The following HTR2C variants were observed in gnomAD, a reference collection of about 807,000 sequenced individuals.
HTR2C encodes 5-hydroxytryptamine receptor 2C, also known as 5-hydroxytryptamine (serotonin) receptor 2C, G protein-coupled.
HTR2C carries 5 observed loss-of-function variants against 21.0 expected under a neutral mutation model. The ratio of observed to expected loss-of-function variants is 0.24; its 90% CI spans 0.12 to 0.50. HTR2C has a LOEUF of 0.50. Ranked by LOEUF, HTR2C falls within the 20% of genes least tolerant of loss-of-function variation. The pLI is 0.98. For synonymous variants in HTR2C, 150 were observed against 145.3 expected (o/e 1.03, Z -0.23); for missense variants, 271 against 371.2 (o/e 0.73, Z 2.22).
chrX:114,761,738 A>C (rs1265929678), intron 4 of HTR2C, among the ~76,000 whole-genome samples: 1 of 108,623 alleles, frequency 9.2e-6, no homozygotes, highest in Admixed American at 1.0e-4. Context: ...ATAAAACTCC[A>C]AAGTCCTTGT....
chrX:114,792,607 A>T (rs1556443962), intron 4 of HTR2C, among the ~76,000 whole-genome samples: 1 of 111,850 alleles, frequency 8.9e-6, no homozygotes, highest in Non-Finnish European at 1.9e-5. Context: ...TTATAATAGA[A>T]TGATTTATAT....
chrX:114,636,679 T>C (rs1929855949), intron 2 of HTR2C, among the ~76,000 whole-genome samples: 1 of 111,911 alleles, frequency 8.9e-6, no homozygotes, highest in Admixed American at 9.5e-5. Context: ...CTACAGGATA[T>C]AGTTAAAGCC....
At chrX:114,775,662 C>A in intron 4 of HTR2C, 1 of 539,734 alleles carries the variant, frequency 1.9e-6, no homozygotes, top group Non-Finnish European at 3.2e-6. Flanking sequence ...GCCTGGACAG[C>A]TGCACCATAA....
chrX:114,893,309 C>T (rs1315042900), intron 5 of HTR2C, among the ~76,000 whole-genome samples: 2 of 110,699 alleles, frequency 1.8e-5, no homozygotes, highest in Non-Finnish European at 3.8e-5. Context: ...TCAAGACATA[C>T]AATATAGCTA....
At chrX:114,786,782 T>A (rs1351378999) in intron 4 of HTR2C, among the ~76,000 whole-genome samples, 2 of 111,667 alleles carry the variant, frequency 1.8e-5, no homozygotes, top group Non-Finnish European at 3.8e-5. Context: ...AATCACATAG[T>A]CCAGTGTAAC....
intron 2 of HTR2C, among the ~76,000 whole-genome samples, chrX:114,689,481 A>G (rs1932042279): frequency 9.1e-6 from 1 of 110,253 alleles, no homozygotes; most frequent in Non-Finnish European, 1.9e-5. Context: ...CTGACAGTGT[A>G]AAAGTGTTCC....
chrX:114,793,734 T>A (rs1009032451), intron 4 of HTR2C, among the ~76,000 whole-genome samples: 6 of 110,206 alleles, frequency 5.4e-5, no homozygotes, highest in African/African-American at 1.6e-4. Context: ...CTTTTTTTTT[T>A]ATTTATTCAT....
chrX:114,605,946 A>G (rs185998856), intron 1 of HTR2C, among the ~76,000 whole-genome samples: 1 of 106,830 alleles, frequency 9.4e-6, no homozygotes, highest in Admixed American at 1.0e-4. Context: ...AGGTTGGGGC[A>G]CGGAAATAAG....
chrX:114,586,265 C>T (rs1174149597), intron 1 of HTR2C, among the ~76,000 whole-genome samples: 7 of 111,559 alleles, frequency 6.3e-5, no homozygotes, highest in Non-Finnish European at 9.4e-5. Flanking sequence ...TCCTTAGCAC[C>T]TGGCTGTTTG....
chrX:114,768,745 T>G (rs2069970511), intron 4 of HTR2C, among the ~76,000 whole-genome samples: 1 of 111,709 alleles, frequency 9.0e-6, no homozygotes, highest in Non-Finnish European at 1.9e-5. Context: ...TCTGGGTTAT[T>G]CAACTAAAAG....
intron 2 of HTR2C, among the ~76,000 whole-genome samples, chrX:114,669,767 A>G (rs1556411390): frequency 8.9e-6 from 1 of 112,625 alleles, no homozygotes; most frequent in African/African-American, 3.2e-5. Flanking sequence ...TATACTTACA[A>G]CAGCTAACAT....
intron 4 of HTR2C, among the ~76,000 whole-genome samples, chrX:114,796,327 T>A (rs1426599788): frequency 9.0e-6 from 1 of 111,544 alleles, no homozygotes; most frequent in Non-Finnish European, 1.9e-5. Context: ...TAAAAATAAA[T>A]TTGCAGAAGC....
At chrX:114,644,362 A>AATAAATAAATAAAT (rs1411395120) in intron 2 of HTR2C, among the ~76,000 whole-genome samples, 1 of 38,244 alleles carries the variant, frequency 2.6e-5, no homozygotes, top group Non-Finnish European at 4.3e-5. Context: ...TAAATAAATA[A>AATAAATAAATAAAT]ATATATATAT....
At chrX:114,715,027 A>G (rs1356260341) in intron 2 of HTR2C, among the ~76,000 whole-genome samples, 1 of 112,319 alleles carries the variant, frequency 8.9e-6, no homozygotes, top group African/African-American at 3.2e-5. Flanking sequence ...AACAAGATTC[A>G]TCTGGTACTT....
chrX:114,665,096 G>C (rs1556410731), intron 2 of HTR2C, among the ~76,000 whole-genome samples: 1 of 112,070 alleles, frequency 8.9e-6, no homozygotes, highest in African/African-American at 3.2e-5. Flanking sequence ...GTTTCATAAG[G>C]GGGTACAAGG....
At chrX:114,768,285 C>A (rs1556435907) in intron 4 of HTR2C, among the ~76,000 whole-genome samples, 3 of 110,774 alleles carry the variant, frequency 2.7e-5, no homozygotes, top group Non-Finnish European at 5.7e-5. Context: ...TACAGTATCT[C>A]ACTTAGCATC....
At chrX:114,714,923 G>A (rs2147324538) in intron 2 of HTR2C, among the ~76,000 whole-genome samples, 1 of 111,533 alleles carries the variant, frequency 9.0e-6, no homozygotes, top group South Asian at 3.7e-4. Context: ...GGTGTTGAAT[G>A]ATACTAGAAT....
At chrX:114,723,385 G>A (rs1464096559) in intron 2 of HTR2C, among the ~76,000 whole-genome samples, 60 of 111,195 alleles carry the variant, frequency 5.4e-4, no homozygotes, top group Non-Finnish European at 5.8e-4. Flanking sequence ...TTTTTATTGC[G>A]TCTATTTGAT....
At chrX:114,658,612 C>T (rs1930870017) in intron 2 of HTR2C, among the ~76,000 whole-genome samples, 1 of 111,046 alleles carries the variant, frequency 9.0e-6, no homozygotes, top group Admixed American at 9.7e-5. Context: ...TGTACTCTCC[C>T]ATAGTAAATA....
Sources: gnomAD v4.1 joint callset for allele counts (sites outside exome capture counted in the v4.1 genomes callset) on GRCh38, gnomAD v4.1.1 for gene constraint, MANE v1.5 for transcripts, NCBI Gene and HGNC (gene_info 2026-07-23, HGNC 2026-07-21) for gene names.